CHMP4B: variants seen among roughly 807,000 people sequenced by gnomAD.
CHMP4B encodes SNF7 homolog associated with Alix 1.
CHMP4B carries 1 observed loss-of-function variant against 25.1 expected under a neutral mutation model. The ratio of observed to expected loss-of-function variants is 0.04; its 90% CI spans 0.01 to 0.19. The LOEUF (loss-of-function observed/expected upper bound fraction) is 0.19, where lower values mean the gene tolerates loss of function less well. Ranked by LOEUF, CHMP4B falls within the 10% of genes least tolerant of loss-of-function variation. The probability of loss-of-function intolerance (pLI) is 1.00; values close to 1 mark genes in which losing one functional copy is unlikely to be tolerated. For missense variants in CHMP4B, 151 were observed against 289.7 expected (o/e 0.52, Z 3.48); for synonymous variants, 101 against 115.6 (o/e 0.87, Z 0.81).
chr20:33,818,858 C>T (rs559031400), intron 1 of CHMP4B, among the ~76,000 whole-genome samples: 1 of 152,236 alleles, frequency 6.6e-6, no homozygotes, highest in East Asian at 1.9e-4. Context: ...TGCTTCTGTT[C>T]CTTCCTTTTT....
intron 1 of CHMP4B, among the ~76,000 whole-genome samples, chr20:33,832,185 C>T (rs1979270697): frequency 2.0e-5 from 3 of 152,174 alleles, no homozygotes; most frequent in Admixed American, 2.0e-4. Flanking sequence ...TGCCAGGGTG[C>T]TCTCATGCTT....
chr20:33,833,902 C>T (rs531956572), intron 1 of CHMP4B, among the ~76,000 whole-genome samples: 1 of 152,300 alleles, frequency 6.6e-6, no homozygotes, highest in East Asian at 1.9e-4. Context: ...TCATTTTTGT[C>T]CCTAGTTCCC....
chr20:33,812,535 T>G (rs771071578), intron 1 of CHMP4B, among the ~76,000 whole-genome samples: 84 of 152,362 alleles, frequency 5.5e-4, no homozygotes, highest in Admixed American at 3.5e-3. Context: ...TTCTGGGCAT[T>G]CCAAGTGCTT....
intron 2 of CHMP4B, 34 bp downstream of exon 2, chr20:33,848,678 G>T (rs1320045247): frequency 3.1e-6 from 5 of 1,612,622 alleles, no homozygotes; most frequent in Non-Finnish European, 4.2e-6. Context: ...CCACAGGGCA[G>T]TGCTAGTCCC....
At chr20:33,841,502 C>T (rs1478800138) in intron 1 of CHMP4B, among the ~76,000 whole-genome samples, 1 of 152,200 alleles carries the variant, frequency 6.6e-6, no homozygotes, top group Non-Finnish European at 1.5e-5. Context: ...GTCAGAGCAA[C>T]GATGGACACA....
chr20:33,849,014 C>T (rs970274852), intron 2 of CHMP4B, among the ~76,000 whole-genome samples: 4 of 152,292 alleles, frequency 2.6e-5, no homozygotes, highest in Middle Eastern at 3.4e-3. Context: ...GGATTAGAAT[C>T]GGTGCCCATG....
Position 33,821,419 on chromosome 20 carries a change from G to A in CHMP4B, c.190+9761G>A, listed in dbSNP as rs1476406011. On this transcript the variant is annotated intron_variant, in intron 1 of 4. Transcript: ENST00000217402. ...AAAAAAAAAAAAATCCTGGTTTGTAGTCTTTATAATATCTAATAGTTGTAT... is the reference window on the plus strand; with the variant it reads ...AAAAAAAAAAAAATCCTGGTTTGTAATCTTTATAATATCTAATAGTTGTAT... Among the ~76,000 whole-genome samples, 4 of 150,824 alleles carry A rather than the reference G, an allele frequency of 2.7e-5. No individual in the cohort carries two copies. In the East Asian group the frequency reaches 5.8e-4, roughly 22 times the overall value.
chr20:33,844,961 G>T (rs751185075), intron 1 of CHMP4B, among the ~76,000 whole-genome samples: 1 of 151,900 alleles, frequency 6.6e-6, no homozygotes, highest in Non-Finnish European at 1.5e-5. Context: ...GGGTTTCACC[G>T]TGTTAGCCAG....
chr20:33,811,762 G>GA, intron 1 of CHMP4B, 104 bp downstream of exon 1: 1 of 1,195,790 alleles, frequency 8.4e-7, no homozygotes, highest in Non-Finnish European at 1.2e-6. Context: ...GTCTGACCCT[G>GA]GAACTCTCCG....
Position 33,844,780 on chromosome 20 carries a change from A to G in CHMP4B, c.191-3687A>G, listed in dbSNP as rs931474860. ...TTTGCTCTTTTTTTTTTTTTTTGAG[A>G]TGGAGTCTTGCTCTGTCGCCCAGGC... On this transcript the variant is annotated intron_variant, in intron 1 of 4. Transcript: ENST00000217402. Among the ~76,000 whole-genome samples, 13 of 146,236 alleles carry G rather than the reference A, an allele frequency of 8.9e-5. No homozygotes were observed. In the South Asian group the frequency reaches 2.4e-3, roughly 27 times the overall value.
At chr20:33,814,052 G>A (rs539804283) in intron 1 of CHMP4B, among the ~76,000 whole-genome samples, 9 of 152,148 alleles carry the variant, frequency 5.9e-5, no homozygotes, top group African/African-American at 1.2e-4. Flanking sequence ...TTTGGCGATC[G>A]AATTGACTTT....
chr20:33,811,526 C>T lies in CHMP4B; in HGVS notation c.58C>T (p.Pro20Ser). The change falls in exon 1 of 5, where the codon CCG becomes TCG. Residue 20 changes from proline (P) to serine (S), a missense_variant. Coordinates refer to ENST00000217402, the MANE Select transcript of CHMP4B (RefSeq NM_176812.5). ...AGGGGGTAAGGCCGGCAAGGGCGGC[C>T]CGACCCCCCAGGAGGCCATCCAGCG... is the stretch of plus-strand genomic sequence containing the variant. ...AGGGKAGKGG[P>S]TPQEAIQRLR... 6.2e-7 allele frequency: 1 copy of T among 1,607,954 alleles called. No homozygotes were observed. The highest frequency in any genetic ancestry group is 8.5e-7 in the Non-Finnish European group (1 of 1,177,348).
At chr20:33,850,857 T>G in intron 2 of CHMP4B, 95 bp from the exon 3 acceptor site, 2 of 855,908 alleles carry the variant, frequency 2.3e-6, no homozygotes, top group South Asian at 1.4e-5. Context: ...GGGAAGCTGA[T>G]TTTGTGGGGC....
intron 1 of CHMP4B, among the ~76,000 whole-genome samples, chr20:33,825,112 A>G (rs989804377): frequency 1.3e-5 from 2 of 152,150 alleles, no homozygotes; most frequent in African/African-American, 4.8e-5. Flanking sequence ...AATCCCTCCC[A>G]CTCAGGACTC....
At chr20:33,820,804 C>A (rs1287526512) in intron 1 of CHMP4B, among the ~76,000 whole-genome samples, 3 of 151,718 alleles carry the variant, frequency 2.0e-5, no homozygotes, top group African/African-American at 7.3e-5. Flanking sequence ...GAGTTTTTTG[C>A]GAAAGAAAAA....
chr20:33,824,389 G>A (rs1047782625), intron 1 of CHMP4B, among the ~76,000 whole-genome samples: 1 of 152,180 alleles, frequency 6.6e-6, no homozygotes, highest in African/African-American at 2.4e-5. Flanking sequence ...GCAAGGCTGT[G>A]TCAGTAGTGG....
In CHMP4B at chr20:33,838,828, A is replaced by G. The variant is rs1377971616; in HGVS notation, c.191-9639A>G. Among the ~76,000 whole-genome samples the G allele has an allele frequency of 3.9e-5, 6 of 152,152 alleles. No homozygotes were observed. The East Asian group carries it at 1.2e-3, about 29-fold the overall frequency. ...TCCAGGGCTGCCTGCTGGGTCTAGG[A>G]AGTGAAACCCCTTCTCTTCCTGATC... On this transcript the variant is annotated intron_variant, in intron 1 of 4. Transcript: ENST00000217402.
chr20:33,829,992 A>G (rs1423010476), intron 1 of CHMP4B, among the ~76,000 whole-genome samples: 1 of 152,222 alleles, frequency 6.6e-6, no homozygotes, highest in Non-Finnish European at 1.5e-5. Context: ...ATCTGGGCCC[A>G]TTCCCCCACT....
intron 1 of CHMP4B, among the ~76,000 whole-genome samples, chr20:33,817,559 T>G (rs987774310): frequency 2.0e-5 from 3 of 152,200 alleles, no homozygotes; most frequent in Admixed American, 2.0e-4. Context: ...TGAAGATGTG[T>G]GCGAGCCAGC....
Sources: gnomAD v4.1 joint callset for allele counts (sites outside exome capture counted in the v4.1 genomes callset) on GRCh38, gnomAD v4.1.1 for gene constraint, MANE v1.5 for transcripts, NCBI Gene and HGNC (gene_info 2026-07-23, HGNC 2026-07-21) for gene names.